The following CHIC1 variants were observed in gnomAD, a reference collection of about 807,000 sequenced individuals.
CHIC1 encodes cysteine rich hydrophobic domain 1.
In CHIC1, 7 loss-of-function variants were observed where a neutral mutation model predicts 18.5. That is an observed-to-expected ratio of 0.38 (90% confidence interval 0.22 to 0.71). CHIC1 has a LOEUF of 0.71. Among genes scored for constraint, CHIC1 ranks in the 30% least tolerant of loss-of-function variants. CHIC1 has a pLI of 0.49. For synonymous variants in CHIC1, 77 were observed against 73.5 expected (o/e 1.05, Z -0.25); for missense variants, 159 against 176.9 (o/e 0.90, Z 0.57).
chrX:73,656,682 C>T (rs1056564897), intron 3 of CHIC1, among the ~76,000 whole-genome samples: 2 of 111,982 alleles, frequency 1.8e-5, no homozygotes, highest in Non-Finnish European at 3.8e-5. Context: ...TTACCAGTAC[C>T]ATGCTGTTTT....
At chrX:73,589,994 T>G (rs1488121740) in intron 3 of CHIC1, among the ~76,000 whole-genome samples, 2 of 111,715 alleles carry the variant, frequency 1.8e-5, no homozygotes, top group Non-Finnish European at 3.8e-5. Flanking sequence ...GAGAGTCTCT[T>G]GTACTTAACA....
intron 3 of CHIC1, among the ~76,000 whole-genome samples, chrX:73,605,598 T>G (rs1210691749): frequency 9.2e-6 from 1 of 108,922 alleles, no homozygotes; most frequent in Non-Finnish European, 1.9e-5. Context: ...CGATGGTCTT[T>G]AAAATTTGAT....
chrX:73,644,971 C>G, intron 3 of CHIC1, among the ~76,000 whole-genome samples: 1 of 112,171 alleles, frequency 8.9e-6, no homozygotes, highest in Non-Finnish European at 1.9e-5. Flanking sequence ...GTGCGCTGCA[C>G]CCACTGTCCT....
chrX:73,662,260 C>T (rs183628651), intron 3 of CHIC1, among the ~76,000 whole-genome samples: 1 of 108,517 alleles, frequency 9.2e-6, no homozygotes, highest in East Asian at 2.9e-4. Context: ...AACCTAGCAA[C>T]TGATTGCATT....
intron 3 of CHIC1, among the ~76,000 whole-genome samples, chrX:73,594,579 G>A (rs1461251249): frequency 3.6e-5 from 4 of 112,239 alleles, no homozygotes; most frequent in Non-Finnish European, 7.5e-5. Flanking sequence ...AGGGCCAGCA[G>A]ATAGGATTTT....
intron 1 of CHIC1, among the ~76,000 whole-genome samples, chrX:73,574,684 T>C (rs1343369772): frequency 9.0e-6 from 1 of 110,552 alleles, no homozygotes; most frequent in Non-Finnish European, 1.9e-5. Flanking sequence ...ATTTTACCCA[T>C]TTCCTCTAGA....
intron 3 of CHIC1, among the ~76,000 whole-genome samples, chrX:73,672,972 C>T (rs1416908166): frequency 1.8e-5 from 2 of 111,814 alleles, no homozygotes; most frequent in Non-Finnish European, 3.8e-5. Flanking sequence ...CCAGTTTCAG[C>T]TTTCTACATA....
intron 3 of CHIC1, among the ~76,000 whole-genome samples, chrX:73,595,279 C>T (rs915822865): frequency 1.8e-5 from 2 of 110,638 alleles, no homozygotes; most frequent in African/African-American, 6.6e-5. Context: ...ACCTATCAAC[C>T]CATCATCTAC....
At chrX:73,648,834 C>A (rs777529146) in intron 3 of CHIC1, among the ~76,000 whole-genome samples, 17 of 111,480 alleles carry the variant, frequency 1.5e-4, no homozygotes, top group Admixed American at 8.6e-4. Flanking sequence ...CATTCAAATT[C>A]AGGAAATACA....
chrX:73,663,419 A>G (rs1213220990), intron 3 of CHIC1, among the ~76,000 whole-genome samples: 4 of 109,777 alleles, frequency 3.6e-5, no homozygotes, highest in Non-Finnish European at 5.7e-5. Context: ...CTGCAGAGTG[A>G]CTCCCCCATT....
chrX:73,611,818 C>A (rs2057710148), intron 3 of CHIC1, among the ~76,000 whole-genome samples: 1 of 108,135 alleles, frequency 9.2e-6, no homozygotes, highest in Non-Finnish European at 1.9e-5. Context: ...TAAATGTCTT[C>A]TTTTGAGAAG....
chrX:73,653,229 G>A, intron 3 of CHIC1, among the ~76,000 whole-genome samples: 1 of 110,107 alleles, frequency 9.1e-6, no homozygotes, highest in Non-Finnish European at 1.9e-5. Flanking sequence ...GTTGGGGGGT[G>A]TGGGATGAGG....
At chrX:73,633,935 A>G (rs1411341028) in intron 3 of CHIC1, among the ~76,000 whole-genome samples, 3 of 109,267 alleles carry the variant, frequency 2.7e-5, no homozygotes, top group Non-Finnish European at 3.8e-5. Context: ...TTGTTCATGT[A>G]TTGTTTTTCT....
rs763075620 is a variant in CHIC1 at position 73,596,754 on chromosome X, C to T, written c.507+12182C>T. Reference sequence around the variant, plus strand: ...CTACAATCACCTGATCTTTGACAAACTTGCCAAAAACAAGCAATAGGGAAA... The same window carrying T: ...CTACAATCACCTGATCTTTGACAAATTTGCCAAAAACAAGCAATAGGGAAA... On this transcript the variant is annotated intron_variant, in intron 3 of 5. Transcript: ENST00000373502. Among the ~76,000 whole-genome samples, 5 of 111,273 alleles carry T rather than the reference C, an allele frequency of 4.5e-5. No homozygotes were observed. In the South Asian group the frequency reaches 1.9e-3, roughly 42 times the overall value.
At chrX:73,637,715 A>G (rs2147597805) in intron 3 of CHIC1, among the ~76,000 whole-genome samples, 1 of 110,604 alleles carries the variant, frequency 9.0e-6, no homozygotes, top group South Asian at 3.8e-4. Context: ...TTCTTTTTAC[A>G]TATTCTATCT....
chrX:73,642,930 A>G (rs966624153), intron 3 of CHIC1, among the ~76,000 whole-genome samples: 1 of 110,107 alleles, frequency 9.1e-6, no homozygotes, highest in Non-Finnish European at 1.9e-5. Context: ...GTAGCCTTGT[A>G]GTATAGTTTG....
rs758961405 is a variant in CHIC1 at position 73,657,160 on chromosome X, C to T, written c.508-22166C>T. Reference sequence around the variant, plus strand: ...CTGCAAGCTCCACCTTCCGGGTTCACGCCATTCTCCCACCTCAGCCTCTGG... The same window carrying T: ...CTGCAAGCTCCACCTTCCGGGTTCATGCCATTCTCCCACCTCAGCCTCTGG... On this transcript the variant is annotated intron_variant, in intron 3 of 5. Transcript: ENST00000373502. Among the ~76,000 whole-genome samples the T allele has an allele frequency of 2.7e-4, 29 of 107,556 alleles. No homozygotes were observed. The South Asian group carries it at 3.4e-3, about 13-fold the overall frequency. 93.4% of individuals were successfully genotyped at this position (107,556 alleles called of 115,157 possible).
intron 2 of CHIC1, 62 bp from the exon 3 acceptor site, chrX:73,584,354 TA>T (rs2057542444): frequency 1.1e-6 from 1 of 932,168 alleles, no homozygotes; most frequent in Non-Finnish European, 1.4e-6. Flanking sequence ...ATGTTTTTCT[TA>T]GATTTAGAGA....
intron 3 of CHIC1, among the ~76,000 whole-genome samples, chrX:73,652,471 T>G (rs1474682613): frequency 9.0e-6 from 1 of 111,719 alleles, no homozygotes; most frequent in African/African-American, 3.3e-5. Context: ...GGGAGAAAAT[T>G]TTTGCAGTCT....
Sources: allele counts gnomAD v4.1 joint callset (sites outside exome capture counted in the v4.1 genomes callset), GRCh38; gene constraint gnomAD v4.1.1; transcripts MANE v1.5; gene names NCBI Gene and HGNC (gene_info 2026-07-23, HGNC 2026-07-21).